Variants in PRUNE1 observed in about 807,000 individuals in gnomAD.
PRUNE1 encodes the protein exopolyphosphatase PRUNE1.
A neutral mutation model predicts 42.5 loss-of-function variants in PRUNE1; 25 were observed. The observed-to-expected ratio is 0.59, with a 90% confidence interval of 0.43 to 0.82. PRUNE1 has a LOEUF of 0.82. PRUNE1 is among the 40% of genes least tolerant of loss of function. The pLI is 0.00. For missense variants in PRUNE1, 443 were observed against 539.3 expected, an observed-to-expected ratio of 0.82 and a Z score of 1.77; for synonymous variants, 203 against 217.1, an observed-to-expected ratio of 0.93 and a Z score of 0.57.
chr1:151,014,698 A>T (rs1673992221), intron 1 of PRUNE1, among the ~76,000 whole-genome samples: 2 of 152,148 alleles, frequency 1.3e-5, no homozygotes, highest in Non-Finnish European at 2.9e-5. Flanking sequence ...TCCCTGATTG[A>T]AGAAGTCAGA....
At chr1:151,009,051 G>A (rs1055595233) in intron 1 of PRUNE1, among the ~76,000 whole-genome samples, 5 of 151,924 alleles carry the variant, frequency 3.3e-5, no homozygotes, top group African/African-American at 1.2e-4. Flanking sequence ...TTTTCTCCCC[G>A]CCCCTCTTTG....
chr1:151,029,139 CT>C (rs111677543), intron 7 of PRUNE1, among the ~76,000 whole-genome samples, 195 bp downstream of exon 7: 22,038 of 143,314 alleles, frequency 0.15, 2,723 homozygotes, highest in African/African-American at 0.35. Flanking sequence ...TATGAATATC[CT>C]TTTTTTTTTT....
At chr1:151,019,715 G>A (rs927622139) in intron 3 of PRUNE1, among the ~76,000 whole-genome samples, 8 of 151,584 alleles carry the variant, frequency 5.3e-5, no homozygotes, top group African/African-American at 1.9e-4. Context: ...TTGCCCAGGC[G>A]GATCTCAAAT....
At chr1:151,008,863 C>A in intron 1 of PRUNE1, 192 bp downstream of exon 1, 1 of 753,126 alleles carries the variant, frequency 1.3e-6, no homozygotes, top group Non-Finnish European at 2.3e-6. Flanking sequence ...CGTGAGAATG[C>A]TGCTTGTTCA....
At chr1:151,028,172 C>T (rs1674997905) in intron 6 of PRUNE1, among the ~76,000 whole-genome samples, 2 of 152,110 alleles carry the variant, frequency 1.3e-5, no homozygotes, top group Admixed American at 1.3e-4. Flanking sequence ...GGAGGTTTTT[C>T]CTGACCACCC....
intron 1 of PRUNE1, among the ~76,000 whole-genome samples, chr1:151,016,019 T>C (rs1674085664): frequency 6.6e-6 from 1 of 151,808 alleles, no homozygotes. Flanking sequence ...GGCGGATCAC[T>C]GGAGGTCAGG....
chr1:151,026,101 A>G (rs1173666050), intron 5 of PRUNE1, among the ~76,000 whole-genome samples: 1 of 151,926 alleles, frequency 6.6e-6, no homozygotes, highest in Non-Finnish European at 1.5e-5. Context: ...GCATGAAATA[A>G]TCAGTCATTT....
At chr1:151,012,948 CT>C (rs11299717) in intron 1 of PRUNE1, among the ~76,000 whole-genome samples, 6,426 of 151,894 alleles carry the variant, frequency 0.042, 447 homozygotes, top group African/African-American at 0.15. Context: ...AATTTTTGTG[CT>C]TTTTAGTTTC....
At chr1:151,029,941 G>T (rs1675137659) in intron 7 of PRUNE1, among the ~76,000 whole-genome samples, 1 of 151,858 alleles carries the variant, frequency 6.6e-6, no homozygotes, top group Non-Finnish European at 1.5e-5. Flanking sequence ...TCCTCTGCTG[G>T]TTACTGATTA....
chr1:151,011,692 C>T (rs1287006748), intron 1 of PRUNE1, among the ~76,000 whole-genome samples: 1 of 152,114 alleles, frequency 6.6e-6, no homozygotes, highest in Non-Finnish European at 1.5e-5. Context: ...CCCTCCCTGC[C>T]CCCTCCTCTT....
chr1:151,032,343 A>G (rs1399214842), intron 7 of PRUNE1, among the ~76,000 whole-genome samples: 1 of 152,134 alleles, frequency 6.6e-6, no homozygotes, highest in Non-Finnish European at 1.5e-5. Context: ...TGAGACCAGG[A>G]TTTGGAGACC....
chr1:151,029,610 G>T (rs375623628), intron 7 of PRUNE1, among the ~76,000 whole-genome samples: 16 of 151,438 alleles, frequency 1.1e-4, no homozygotes, highest in African/African-American at 3.1e-4. Flanking sequence ...CTCGTGATCC[G>T]CCCGCCTTGG....
chr1:151,018,914 G>A (rs1183420768), intron 3 of PRUNE1, among the ~76,000 whole-genome samples: 2 of 152,102 alleles, frequency 1.3e-5, no homozygotes, highest in African/African-American at 2.4e-5. Context: ...GTGGTGGCAA[G>A]TGCCTGTAAT....
At chr1:151,008,743 G>C (rs1197040186) in intron 1 of PRUNE1, 72 bp downstream of exon 1, 8 of 1,577,876 alleles carry the variant, frequency 5.1e-6, no homozygotes, top group Non-Finnish European at 7.0e-6. Context: ...GTGGGATCTG[G>C]GGGAGCCTCG....
chr1:151,026,536 T>C (rs775559639), intron 5 of PRUNE1, among the ~76,000 whole-genome samples: 38 of 151,958 alleles, frequency 2.5e-4, no homozygotes, highest in Non-Finnish European at 4.9e-4. Context: ...ATGCTGAGAG[T>C]ATACTAAATT....
At chr1:151,010,637 A>G (rs923482803) in intron 1 of PRUNE1, among the ~76,000 whole-genome samples, 1 of 151,278 alleles carries the variant, frequency 6.6e-6, no homozygotes, top group Non-Finnish European at 1.5e-5. Context: ...ATGGCAAGAC[A>G]TACTGGTAGA....
chr1:151,024,129 A>G (rs587646705), intron 3 of PRUNE1, among the ~76,000 whole-genome samples: 32 of 151,032 alleles, frequency 2.1e-4, no homozygotes, highest in African/African-American at 6.8e-4. Context: ...TGGAGGTTGC[A>G]GGAGCCGAGA....
Position 151,034,566 on chromosome 1 carries a change from T to C in PRUNE1, c.*332T>C. The C allele has an allele frequency of 3.5e-6, 1 of 287,610 alleles. No homozygotes were observed. Among genetic ancestry groups the C allele is most frequent in the Non-Finnish European group, 6.7e-6 (1 of 150,004 alleles). The allele number at this position is 287,610 out of a possible 1,614,324, so 17.8% of individuals were successfully genotyped here. ...TTAGACCCCAAAAGTGTCCTCGGCA[T>C]GGATCTTGAACAGAACCAGTATCTG... On this transcript the variant is annotated 3_prime_UTR_variant, in exon 8 of 8. Transcript: ENST00000271620.
At chr1:151,022,543 C>T (rs915664878) in intron 3 of PRUNE1, among the ~76,000 whole-genome samples, 1 of 151,754 alleles carries the variant, frequency 6.6e-6, no homozygotes, top group Non-Finnish European at 1.5e-5. Context: ...CTCAGCCTCC[C>T]GAGTAGCTGG....
Sources: gnomAD v4.1 joint callset for allele counts (sites outside exome capture counted in the v4.1 genomes callset) on GRCh38, gnomAD v4.1.1 for gene constraint, MANE v1.5 for transcripts, NCBI Gene and HGNC (gene_info 2026-07-23, HGNC 2026-07-21) for gene names.